The following FER1L6 variants were observed in gnomAD, a reference collection of about 807,000 sequenced individuals.
FER1L6 encodes fer-1-like protein 6.
A neutral mutation model predicts 219.2 loss-of-function variants in FER1L6; 177 were observed. The observed-to-expected ratio is 0.81, with a 90% confidence interval of 0.71 to 0.91. The LOEUF is 0.91. Ranked by LOEUF, FER1L6 falls within the 40% of genes least tolerant of loss-of-function variation. The pLI, the probability that FER1L6 is intolerant of heterozygous loss-of-function variation, is 0.00. For synonymous variants in FER1L6, 768 were observed against 824.3 expected, an observed-to-expected ratio of 0.93 and a Z score of 1.17; for missense variants, 2,153 against 2,259.9, an observed-to-expected ratio of 0.95 and a Z score of 0.96.
chr8:124,111,459 C>T lies in FER1L6; in HGVS notation c.5290-7385C>T, dbSNP rs770231741. On this transcript the variant is annotated intron_variant, in intron 39 of 40. Transcript: ENST00000522917. This position sits in a 1 kb window ranked among gnomAD's most constrained non-coding sequence, Gnocchi z 5.0. ...TCCCAGCCCAGACCCCAAGAGAGGG[C>T]TCTTGCATCTTGGGCAAGAAGGAAT... Among the ~76,000 whole-genome samples, 1 of 152,176 alleles carries T rather than the reference C, an allele frequency of 6.6e-6. No homozygotes were observed. The highest frequency in any genetic ancestry group is 1.5e-5 in the Non-Finnish European group (1 of 68,036).
At chr8:124,028,861 C>G (rs1170661477) in intron 18 of FER1L6, among the ~76,000 whole-genome samples, 1 of 152,184 alleles carries the variant, frequency 6.6e-6, no homozygotes, top group Non-Finnish European at 1.5e-5. Context: ...TGGTGGTTTG[C>G]TGCACCTATC....
At position 124,082,332 on chromosome 8, in the gene FER1L6, C is replaced by G; in HGVS notation, c.4265C>G (p.Ser1422Cys). 1 of 1,613,896 alleles carries G rather than the reference C, an allele frequency of 6.2e-7. No homozygotes were observed. Among genetic ancestry groups the G allele is most frequent in the Non-Finnish European group, 8.5e-7 (1 of 1,179,834 alleles). Residue 1422 changes from serine to cysteine, a missense_variant, in exon 33 of 41, where the codon TCC becomes TGC. Coordinates refer to ENST00000522917, the MANE Select transcript of FER1L6 (RefSeq NM_001039112.2). ...QATFPKESLLSILIYDHDMIG... is the reference protein window; with the variant it reads ...QATFPKESLLCILIYDHDMIG... The stretch of plus-strand genomic sequence containing the variant: ...ACATTCCCAAAAGAGTCCCTGCTCT[C>G]CATCCTGATCTATGACCATGACATG...
intron 1 of FER1L6, among the ~76,000 whole-genome samples, chr8:123,922,536 A>G (rs1586468910): frequency 6.6e-6 from 1 of 152,080 alleles, no homozygotes; most frequent in South Asian, 2.1e-4. Context: ...GTGAGGGGGA[A>G]CTAAGATGTG....
chr8:123,864,278 CTT>C (rs1816792774), intron 1 of FER1L6, among the ~76,000 whole-genome samples: 1 of 148,620 alleles, frequency 6.7e-6, no homozygotes, highest in Non-Finnish European at 1.5e-5. Context: ...GTTGAAAATT[CTT>C]TTCTTTAAGA....
intron 1 of FER1L6, among the ~76,000 whole-genome samples, chr8:123,922,371 G>A (rs1264418824): frequency 6.6e-6 from 1 of 152,190 alleles, no homozygotes; most frequent in Non-Finnish European, 1.5e-5. Context: ...GAGGAAACAG[G>A]AAAAAGAAAA....
chr8:123,929,554 T>C (rs1453415574), intron 1 of FER1L6, among the ~76,000 whole-genome samples: 1 of 152,204 alleles, frequency 6.6e-6, no homozygotes, highest in Non-Finnish European at 1.5e-5. Flanking sequence ...AGAATTAACT[T>C]GGTCAATACA....
chr8:123,910,267 C>T (rs941880531), intron 1 of FER1L6, among the ~76,000 whole-genome samples: 1 of 152,196 alleles, frequency 6.6e-6, no homozygotes, highest in East Asian at 1.9e-4. Flanking sequence ...TGGAGATATT[C>T]TCCTGTAGAG....
intron 22 of FER1L6, among the ~76,000 whole-genome samples, chr8:124,057,214 C>T (rs1199676892): frequency 5.3e-5 from 8 of 152,130 alleles, no homozygotes; most frequent in Non-Finnish European, 1.2e-4. Context: ...ATTAAATTTC[C>T]TCTTAGGTTT....
At chr8:123,998,749 C>A in intron 12 of FER1L6, among the ~76,000 whole-genome samples, 1 of 152,124 alleles carries the variant, frequency 6.6e-6, no homozygotes, top group East Asian at 1.9e-4. Flanking sequence ...TATTCTACTG[C>A]GGCTGAGCTG....
chr8:124,015,901 T>G (rs1427933810), intron 15 of FER1L6: 1 of 152,618 alleles, frequency 6.6e-6, no homozygotes, highest in Non-Finnish European at 1.5e-5. Flanking sequence ...GCAAGCTTCC[T>G]GTTCCCCCAA....
chr8:123,928,971 G>T (rs187148057), intron 1 of FER1L6, among the ~76,000 whole-genome samples: 3 of 152,252 alleles, frequency 2.0e-5, no homozygotes, highest in East Asian at 3.9e-4. Context: ...AGTGAAATAG[G>T]TATTATTATG....
intron 1 of FER1L6, among the ~76,000 whole-genome samples, chr8:123,898,526 A>T (rs1465834099): frequency 1.3e-5 from 2 of 151,532 alleles, no homozygotes; most frequent in African/African-American, 4.8e-5. Context: ...GTGAGAACAT[A>T]CAATGCTTGG....
At chr8:123,972,059 G>A (rs1815845846) in intron 6 of FER1L6, among the ~76,000 whole-genome samples, 1 of 152,186 alleles carries the variant, frequency 6.6e-6, no homozygotes, top group African/African-American at 2.4e-5. Flanking sequence ...TTCTTTCTCA[G>A]GCCTTTGGAA....
intron 19 of FER1L6, among the ~76,000 whole-genome samples, chr8:124,038,609 T>C (rs1328067414): frequency 7.9e-5 from 12 of 152,192 alleles, no homozygotes; most frequent in African/African-American, 2.9e-4. Flanking sequence ...CAGGCACCAT[T>C]CTGAGCCCTT....
At chr8:124,071,135 A>AC (rs1821051402) in intron 30 of FER1L6, among the ~76,000 whole-genome samples, 1 of 152,214 alleles carries the variant, frequency 6.6e-6, no homozygotes, top group Non-Finnish European at 1.5e-5. Flanking sequence ...AAAGTGCTTC[A>AC]CTTCCCTAAG....
intron 39 of FER1L6, 110 bp from the exon 40 acceptor site, chr8:124,118,734 T>A (rs1823352474): frequency 1.1e-6 from 1 of 904,274 alleles, no homozygotes; most frequent in South Asian, 1.7e-5. Flanking sequence ...AGCAGCGGGA[T>A]AATCAAAATA....
At chr8:124,085,013 T>C (rs1322729268) in intron 33 of FER1L6, among the ~76,000 whole-genome samples, 1 of 152,156 alleles carries the variant, frequency 6.6e-6, no homozygotes, top group Non-Finnish European at 1.5e-5. Context: ...AATTCACTCA[T>C]TTCTTCTAGG....
At chr8:123,910,094 C>A (rs1813026025) in intron 1 of FER1L6, among the ~76,000 whole-genome samples, 2 of 152,140 alleles carry the variant, frequency 1.3e-5, no homozygotes, top group African/African-American at 4.8e-5. Flanking sequence ...GTAAAGTGGG[C>A]CCATCCACTG....
intron 12 of FER1L6, among the ~76,000 whole-genome samples, chr8:123,988,306 C>G (rs748071456): frequency 5.3e-5 from 8 of 152,140 alleles, no homozygotes; most frequent in Admixed American, 2.0e-4. Flanking sequence ...TTTGGCTATT[C>G]TGCGTCTCTT....
Sources: allele counts gnomAD v4.1 joint callset (sites outside exome capture counted in the v4.1 genomes callset), GRCh38; gene constraint gnomAD v4.1.1; non-coding constraint Gnocchi (gnomAD v3.1); transcripts MANE v1.5; gene names NCBI Gene and HGNC (gene_info 2026-07-23, HGNC 2026-07-21).